Variants in CDH12 observed in about 807,000 individuals in gnomAD.
CDH12 encodes the protein cadherin 12.
In CDH12, 41 loss-of-function variants were observed where a neutral mutation model predicts 74.1. The observed-to-expected ratio is 0.55, with a 90% CI of 0.43 to 0.72. CDH12 has a LOEUF of 0.72. Among genes scored for constraint, CDH12 ranks in the 30% least tolerant of loss-of-function variants. The pLI is 0.00. For missense variants in CDH12, 945 were observed against 977.2 expected (o/e 0.97, Z 0.44); for synonymous variants, 399 against 355.0 (o/e 1.12, Z -1.39).
At chr5:22,260,246 A>G (rs758630931) in intron 3 of CDH12, among the ~76,000 whole-genome samples, 3 of 152,092 alleles carry the variant, frequency 2.0e-5, no homozygotes, top group Non-Finnish European at 4.4e-5. Context: ...TTGTGCACCC[A>G]TGTGCACATG....
At chr5:22,262,760 C>T (rs960383648) in intron 3 of CDH12, among the ~76,000 whole-genome samples, 51 of 152,004 alleles carry the variant, frequency 3.4e-4, no homozygotes, top group Middle Eastern at 3.2e-3. Context: ...TGTTTCTCCA[C>T]GTCCTCTCCA....
intron 5 of CDH12, among the ~76,000 whole-genome samples, chr5:21,993,203 A>C (rs576019487): frequency 4.6e-5 from 7 of 152,274 alleles, no homozygotes; most frequent in African/African-American, 1.7e-4. Context: ...ATACTGAACT[A>C]AATCAAAATC....
chr5:22,600,218 A>C (rs988733783), intron 1 of CDH12, among the ~76,000 whole-genome samples: 3 of 152,130 alleles, frequency 2.0e-5, no homozygotes, highest in Non-Finnish European at 4.4e-5. Flanking sequence ...CTATATGTGA[A>C]GCATTTGAAA....
At chr5:21,917,366 T>G (rs2150068936) in intron 6 of CDH12, among the ~76,000 whole-genome samples, 1 of 152,320 alleles carries the variant, frequency 6.6e-6, no homozygotes, top group Middle Eastern at 3.4e-3. Context: ...ATGATTCTAC[T>G]GTCTAGTCAA....
intron 1 of CDH12, among the ~76,000 whole-genome samples, chr5:22,566,126 C>T (rs1270806875): frequency 6.6e-6 from 1 of 152,098 alleles, no homozygotes; most frequent in African/African-American, 2.4e-5. Context: ...AAAAAGCACA[C>T]ACACAAAAGA....
At chr5:21,926,593 C>A (rs1754593496) in intron 6 of CDH12, among the ~76,000 whole-genome samples, 1 of 152,128 alleles carries the variant, frequency 6.6e-6, no homozygotes, top group Admixed American at 6.5e-5. Context: ...GAGAACAGGA[C>A]TATAAACATA....
chr5:22,576,114 G>A (rs1361011848), intron 1 of CDH12, among the ~76,000 whole-genome samples: 1 of 152,172 alleles, frequency 6.6e-6, no homozygotes, highest in Non-Finnish European at 1.5e-5. Context: ...GGAATCTTCT[G>A]TGTTCTCAGG....
At chr5:22,446,475 C>T (rs1744821472) in intron 2 of CDH12, among the ~76,000 whole-genome samples, 1 of 152,064 alleles carries the variant, frequency 6.6e-6, no homozygotes, top group Admixed American at 6.6e-5. Context: ...AATCTTCCAC[C>T]TGAAAAATCT....
At chr5:22,611,710 T>C (rs998166241) in intron 1 of CDH12, among the ~76,000 whole-genome samples, 1 of 152,126 alleles carries the variant, frequency 6.6e-6, no homozygotes, top group African/African-American at 2.4e-5. Flanking sequence ...GCTGACTGCA[T>C]GCCTATCACC....
chr5:22,787,140 A>G (rs1038784848), intron 1 of CDH12, among the ~76,000 whole-genome samples: 2 of 147,488 alleles, frequency 1.4e-5, no homozygotes, highest in Non-Finnish European at 3.0e-5. Context: ...CACACACACC[A>G]CACACACACA....
chr5:22,205,416 T>C (rs761400698), intron 4 of CDH12, among the ~76,000 whole-genome samples: 2 of 152,024 alleles, frequency 1.3e-5, no homozygotes, highest in Non-Finnish European at 2.9e-5. Flanking sequence ...CAGAAGAAAA[T>C]AATAGAGAAG....
At chr5:22,166,439 A>ATC (rs1466568064) in intron 4 of CDH12, among the ~76,000 whole-genome samples, 3 of 152,168 alleles carry the variant, frequency 2.0e-5, no homozygotes, top group Admixed American at 1.3e-4. Flanking sequence ...CTAGTAGTTG[A>ATC]TTAAGATTAT....
intron 1 of CDH12, among the ~76,000 whole-genome samples, chr5:22,556,603 T>C (rs984214221): frequency 4.6e-5 from 7 of 152,086 alleles, no homozygotes. Flanking sequence ...TTGTTTTTGG[T>C]TAAGAATACG....
At chr5:22,662,796 T>A (rs1253250536) in intron 1 of CDH12, among the ~76,000 whole-genome samples, 1 of 152,182 alleles carries the variant, frequency 6.6e-6, no homozygotes, top group African/African-American at 2.4e-5. Context: ...TGCAAGTGGC[T>A]TGCTGGGCAA....
intron 3 of CDH12, among the ~76,000 whole-genome samples, chr5:22,353,698 T>A (rs926278651): frequency 1.3e-5 from 2 of 152,132 alleles, no homozygotes; most frequent in Non-Finnish European, 2.9e-5. Flanking sequence ...CTCAGAAAAG[T>A]ATACTCGAAA....
chr5:22,187,147 C>G (rs1750000477), intron 4 of CDH12, among the ~76,000 whole-genome samples: 1 of 152,160 alleles, frequency 6.6e-6, no homozygotes, highest in Non-Finnish European at 1.5e-5. Context: ...TGCTCTTATG[C>G]AAACACTCAC....
At chr5:22,360,464 G>T (rs1461995872) in intron 3 of CDH12, among the ~76,000 whole-genome samples, 1 of 152,086 alleles carries the variant, frequency 6.6e-6, no homozygotes, top group African/African-American at 2.4e-5. Flanking sequence ...AAATGTCCAG[G>T]AACAGACGGA....
chr5:22,534,823 A>G (rs942645681), intron 1 of CDH12, among the ~76,000 whole-genome samples: 1 of 151,884 alleles, frequency 6.6e-6, no homozygotes, highest in African/African-American at 2.4e-5. Context: ...AAAACATTAG[A>G]TAGTTCAAAC....
chr5:21,776,056 T>C (rs1450960731), intron 11 of CDH12, among the ~76,000 whole-genome samples: 6 of 152,214 alleles, frequency 3.9e-5, no homozygotes, highest in African/African-American at 1.4e-4. Context: ...ATGTCATTTC[T>C]GACATTAAGT....
Sources: gnomAD v4.1 joint callset for allele counts (sites outside exome capture counted in the v4.1 genomes callset) on GRCh38, gnomAD v4.1.1 for gene constraint, MANE v1.5 for transcripts, NCBI Gene and HGNC (gene_info 2026-07-23, HGNC 2026-07-21) for gene names.